PWWP2A: variants seen among roughly 807,000 people sequenced by gnomAD.
PWWP2A encodes the protein PWWP domain containing 2A, also known as PWWP domain-containing protein 2A.
In PWWP2A, 18 loss-of-function variants were observed where a neutral mutation model predicts 48.5. That is an observed-to-expected ratio of 0.37 (90% confidence interval 0.26 to 0.55). The LOEUF is 0.55. Among genes scored for constraint, PWWP2A ranks in the 20% least tolerant of loss-of-function variants. The probability of loss-of-function intolerance (pLI) is 0.81; values close to 1 mark genes in which losing one functional copy is unlikely to be tolerated. For synonymous variants in PWWP2A, 396 were observed against 387.7 expected (o/e 1.02, Z -0.25); for missense variants, 867 against 976.4 (o/e 0.89, Z 1.49).
chr5:160,109,816 T>C (rs1280926848), intron 1 of PWWP2A, among the ~76,000 whole-genome samples: 2 of 107,684 alleles, frequency 1.9e-5, no homozygotes, highest in East Asian at 5.3e-4. Context: ...TATAAAATAA[T>C]ATAATAATAT....
At chr5:160,098,730 T>C (rs982225651) in intron 1 of PWWP2A, among the ~76,000 whole-genome samples, 6 of 152,142 alleles carry the variant, frequency 3.9e-5, no homozygotes, top group Non-Finnish European at 7.4e-5. Context: ...GAATATAAAG[T>C]AGAAACAAAA....
intron 1 of PWWP2A, chr5:160,108,673 T>C: frequency 1.0e-6 from 1 of 985,782 alleles, no homozygotes; most frequent in South Asian, 1.4e-5. Context: ...ACGTAAATTT[T>C]CTACAAATTG....
chr5:160,091,271 T>G (rs1755035064), downstream of PWWP2A: 2 of 976,380 alleles, frequency 2.0e-6, no homozygotes, highest in Admixed American at 1.2e-4. Flanking sequence ...TTCTAAACAC[T>G]CTTACAAAGA....
At chr5:160,051,026 AT>A in the PWWP2A span, 2 of 875,326 alleles carry the variant, frequency 2.3e-6, no homozygotes, top group Non-Finnish European at 1.7e-6. Context: ...ACTTGATCTT[AT>A]TTCCACATTA....
At chr5:160,045,508 ACACACATACACACTCTCT>A in the PWWP2A span, among the ~76,000 whole-genome samples, 2 of 75,862 alleles carry the variant, frequency 2.6e-5, no homozygotes, top group African/African-American at 1.2e-4. Flanking sequence ...ACACACACAC[ACACACATACACACTCTCT>A]CTCTCTCTCT....
downstream of PWWP2A, among the ~76,000 whole-genome samples, chr5:160,070,955 A>G (rs1465809018): frequency 4.6e-5 from 7 of 152,350 alleles, no homozygotes; most frequent in South Asian, 1.0e-3. Flanking sequence ...TGGGAGGCCA[A>G]CGCGGGCAAA....
chr5:160,080,768 G>C (rs1249015267), exon 3 of PWWP2A: 2 of 1,538,124 alleles, frequency 1.3e-6, no homozygotes, highest in Non-Finnish European at 8.8e-7. Context: ...CATTTGTTGA[G>C]ACCTATGGTA....
chr5:160,115,266 A>G (rs1274433681), intron 1 of PWWP2A, among the ~76,000 whole-genome samples: 1 of 151,942 alleles, frequency 6.6e-6, no homozygotes, highest in Non-Finnish European at 1.5e-5. Flanking sequence ...TTGGATGAAA[A>G]TATAGCTGGC....
intron 1 of PWWP2A, among the ~76,000 whole-genome samples, chr5:160,109,805 ATAT>A (rs1190029045): frequency 1.6e-5 from 2 of 126,996 alleles, no homozygotes; most frequent in African/African-American, 2.9e-5. Context: ...ATATATATAT[ATAT>A]AAAATAATAT....
chr5:160,074,851 C>T (rs556050511), downstream of PWWP2A, among the ~76,000 whole-genome samples: 1 of 151,944 alleles, frequency 6.6e-6, no homozygotes, highest in Non-Finnish European at 1.5e-5. Flanking sequence ...ATAATCCCAG[C>T]ACTTTGGGAG....
At chr5:160,054,941 C>G in the PWWP2A span, among the ~76,000 whole-genome samples, 2 of 152,218 alleles carry the variant, frequency 1.3e-5, no homozygotes, top group Non-Finnish European at 2.9e-5. Context: ...CTGTAAGATA[C>G]TTAGGACAAA....
At chr5:160,107,443 T>C (rs1339051356) in intron 1 of PWWP2A, among the ~76,000 whole-genome samples, 1 of 152,224 alleles carries the variant, frequency 6.6e-6, no homozygotes, top group Non-Finnish European at 1.5e-5. Context: ...TGTCTGAATT[T>C]ACTCAAGAAT....
At position 160,064,888 on chromosome 5, in the gene PWWP2A, T is replaced by C. The variant is rs751587051; in HGVS notation, c.*237-1215A>G. On this transcript the variant is annotated intron_variant and NMD_transcript_variant, in intron 4 of 5. Transcript: ENST00000524050. ...AGATTAATTGGTACCTTCCTGCTTC[T>C]GTTCATTCCTGTATTCATTTGAGTT... 4 of 1,582,834 alleles carry C rather than the reference T, an allele frequency of 2.5e-6. No homozygotes were observed. In the South Asian group the frequency reaches 3.5e-5, roughly 14 times the overall value.
At chr5:160,085,505 CTTTT>C (rs5872628) in intron 2 of PWWP2A, among the ~76,000 whole-genome samples, 5 of 109,802 alleles carry the variant, frequency 4.6e-5, no homozygotes, top group African/African-American at 6.8e-5. Flanking sequence ...CTGTCACATT[CTTTT>C]TTTTTTTTTT....
At chr5:160,069,060 G>A (rs1753681957) in intron 2 of PWWP2A, among the ~76,000 whole-genome samples, 4 of 152,024 alleles carry the variant, frequency 2.6e-5, no homozygotes, top group Admixed American at 2.0e-4. Flanking sequence ...GCTGAGGCTG[G>A]GGCTGGCAGA....
At chr5:160,075,753 T>C (rs982144390), downstream of PWWP2A, 5 of 138,588 alleles carry the variant, frequency 3.6e-5, no homozygotes, top group East Asian at 2.1e-4. Flanking sequence ...TTAGGAAGCA[T>C]TGCTACTGAA....
downstream of PWWP2A, among the ~76,000 whole-genome samples, chr5:160,088,943 T>C (rs559795805): frequency 2.6e-5 from 4 of 152,354 alleles, no homozygotes; most frequent in East Asian, 5.8e-4. Context: ...TGTAACTCAA[T>C]TTAATATGTT....
At chr5:160,045,524 T>TCC in the PWWP2A span, among the ~76,000 whole-genome samples, 2 of 106,482 alleles carry the variant, frequency 1.9e-5, no homozygotes, top group African/African-American at 8.0e-5. Flanking sequence ...ATACACACTC[T>TCC]CTCTCTCTCT....
the PWWP2A span, among the ~76,000 whole-genome samples, chr5:160,048,126 CTTTTTTTTTTTTTTTTT>C: frequency 4.1e-3 from 146 of 35,566 alleles, no homozygotes; most frequent in African/African-American, 0.015. Flanking sequence ...CAAGACATTG[CTTTTTTTTTTTTTTTTT>C]TTTTTTTTTT....
Sources: allele counts gnomAD v4.1 joint callset (sites outside exome capture counted in the v4.1 genomes callset), GRCh38; gene constraint gnomAD v4.1.1; transcripts MANE v1.5; gene names NCBI Gene and HGNC (gene_info 2026-07-23, HGNC 2026-07-21).